Variants in ZNF486 observed in about 807,000 individuals in gnomAD.
The protein encoded by ZNF486 is zinc finger protein 486, also known as KRAB box only protein 2.
In ZNF486, 12 loss-of-function variants were observed where a neutral mutation model predicts 12.8. The ratio of observed to expected loss-of-function variants is 0.94; its 90% CI spans 0.60 to 1.52. ZNF486 has a LOEUF of 1.52. Ranked by LOEUF, ZNF486 falls within the 40% of genes most tolerant of loss-of-function variation. The probability of loss-of-function intolerance (pLI) is 0.00; values close to 1 mark genes in which losing one functional copy is unlikely to be tolerated. For synonymous variants in ZNF486, 231 were observed against 184.9 expected (o/e 1.25, Z -2.02); for missense variants, 738 against 545.0 (o/e 1.35, Z -3.53).
Position 20,185,950 on chromosome 19 carries a change from T to G in ZNF486, c.158-37T>G, listed in dbSNP as rs1021775335. On this transcript the variant is annotated intron_variant, in intron 2 of 3. Transcript: ENST00000335117. Reference sequence around the variant, plus strand: ...ATTACTAGCTTGTAATTGAGAAATATAAGCAAGATTAATGCTATTTATTTT... The same window carrying G: ...ATTACTAGCTTGTAATTGAGAAATAGAAGCAAGATTAATGCTATTTATTTT... 4.5e-6 allele frequency: 6 copies of G among 1,339,988 alleles called. No homozygotes were observed. The African/African-American group carries it at 7.5e-5, about 17-fold the overall frequency. The allele number at this position is 1,339,988 out of a possible 1,614,324, so 83.0% of individuals were successfully genotyped here.
At chr19:20,181,225 C>G (rs899711080) in intron 1 of ZNF486, among the ~76,000 whole-genome samples, 48 of 152,138 alleles carry the variant, frequency 3.2e-4, no homozygotes, top group African/African-American at 1.2e-3. Flanking sequence ...TCACAATTCC[C>G]TGAATCCCAA....
At chr19:20,188,056 A>C (rs1050914184) in intron 3 of ZNF486, among the ~76,000 whole-genome samples, 1 of 152,124 alleles carries the variant, frequency 6.6e-6, no homozygotes, top group Non-Finnish European at 1.5e-5. Flanking sequence ...ATGTTTTTGT[A>C]GTCAGGTCTG....
chr19:20,171,431 C>G (rs2089646877), intron 1 of ZNF486, among the ~76,000 whole-genome samples: 2 of 152,242 alleles, frequency 1.3e-5, no homozygotes, highest in African/African-American at 2.4e-5. Flanking sequence ...GCATCACCCT[C>G]AGAAACTTCA....
intron 1 of ZNF486, among the ~76,000 whole-genome samples, chr19:20,173,677 A>G (rs2089674041): frequency 6.6e-6 from 1 of 151,934 alleles, no homozygotes; most frequent in Non-Finnish European, 1.5e-5. Context: ...AAAATACAAA[A>G]AAAAATTAGT....
intron 1 of ZNF486, among the ~76,000 whole-genome samples, chr19:20,172,802 C>T (rs1376186791): frequency 6.6e-6 from 1 of 151,786 alleles, no homozygotes; most frequent in African/African-American, 2.4e-5. Context: ...ACCACCACAC[C>T]CTGCTAATTT....
rs781949145 is a variant in ZNF486, at chr19:20,185,970, T to A, written c.158-17T>A. 23 of 1,498,214 alleles carry A rather than the reference T, an allele frequency of 1.5e-5. No individual in the cohort carries two copies. The highest frequency in any genetic ancestry group is 4.3e-5 in the Admixed American group (2 of 46,544). The allele number at this position is 1,498,214 out of a possible 1,614,324, so 92.8% of individuals were successfully genotyped here. Reference sequence around the variant, plus strand: ...AAATATAAGCAAGATTAATGCTATTTATTTTTAATGAAACAGGTATTATTG... The same window carrying A: ...AAATATAAGCAAGATTAATGCTATTAATTTTTAATGAAACAGGTATTATTG... On this transcript the variant is annotated splice_polypyrimidine_tract_variant and intron_variant, in intron 2 of 3. Transcript: ENST00000335117.
chr19:20,180,486 G>C (rs1246510038), intron 1 of ZNF486, among the ~76,000 whole-genome samples: 1 of 152,188 alleles, frequency 6.6e-6, no homozygotes, highest in African/African-American at 2.4e-5. Context: ...GATGTGTCCA[G>C]AACCTTGGGT....
At chr19:20,191,711 A>T (rs2089905122) in intron 3 of ZNF486, among the ~76,000 whole-genome samples, 1 of 152,166 alleles carries the variant, frequency 6.6e-6, no homozygotes, top group Non-Finnish European at 1.5e-5. Context: ...CGGAGCTTGT[A>T]GTGAGCTGAG....
rs2089999592 is a variant in ZNF486, at chr19:20,200,149, ATTACT to A, written c.*2051_*2055del. On this transcript the variant is annotated 3_prime_UTR_variant, in exon 4 of 4. Coordinates refer to ENST00000335117, the MANE Select transcript of ZNF486 (RefSeq NM_052852.4). ...GGTAATGACATAATACAGCTTTCAA[ATTACT>A]TTATGCTGTTATTTTATTCTTATTG... 1.3e-5 allele frequency: 2 copies of A among 151,932 alleles called. No individual in the cohort carries two copies. Among genetic ancestry groups the A allele is most frequent in the Admixed American group, 1.3e-4 (2 of 15,260 alleles). 9.4% of individuals were successfully genotyped at this position (151,932 alleles called of 1,614,324 possible).
chr19:20,194,230 A>G (rs191153695), intron 3 of ZNF486, among the ~76,000 whole-genome samples: 90 of 152,346 alleles, frequency 5.9e-4, no homozygotes, highest in African/African-American at 2.0e-3. Context: ...TTTCAGTGGA[A>G]GAAACTCCTT....
At chr19:20,169,946 A>T (rs1422077608) in intron 1 of ZNF486, among the ~76,000 whole-genome samples, 14 of 139,780 alleles carry the variant, frequency 1.0e-4, no homozygotes, top group Admixed American at 5.4e-4. Context: ...GCTGGAGTGC[A>T]GTGGCGCGAT....
chr19:20,173,480 T>C (rs2089672236), intron 1 of ZNF486, among the ~76,000 whole-genome samples: 1 of 152,110 alleles, frequency 6.6e-6, no homozygotes, highest in Admixed American at 6.5e-5. Flanking sequence ...TAACGTTCTT[T>C]CAAGCGCATA....
At chr19:20,184,772 C>T (rs2089824443) in intron 2 of ZNF486, among the ~76,000 whole-genome samples, 1 of 152,028 alleles carries the variant, frequency 6.6e-6, no homozygotes, top group Non-Finnish European at 1.5e-5. Context: ...ATCTCATTGC[C>T]ACCATCAGTT....
At chr19:20,196,685 A>G (rs1270846428) in intron 3 of ZNF486, among the ~76,000 whole-genome samples, 1 of 150,878 alleles carries the variant, frequency 6.6e-6, no homozygotes, top group Non-Finnish European at 1.5e-5. Context: ...GAGCTGTTGC[A>G]TATAAGTAAC....
At chr19:20,170,610 T>G (rs73538098) in intron 1 of ZNF486, among the ~76,000 whole-genome samples, 5,240 of 151,896 alleles carry the variant, frequency 0.034, 334 homozygotes, top group African/African-American at 0.12. Flanking sequence ...TGAAGACATA[T>G]TCAGCTGATT....
At position 20,183,922 on chromosome 19, in the gene ZNF486, G is replaced by A. The variant is rs782331120; in HGVS notation, c.31-434G>A. Among the ~76,000 whole-genome samples, 8 of 149,358 alleles carry A rather than the reference G, an allele frequency of 5.4e-5. No individual in the cohort carries two copies. In the Admixed American group the frequency reaches 5.4e-4, roughly 10 times the overall value. ...AGCTTGTTAGAAATTCAAAAAATCAGACTTTATGCCAGATCTTTTGGAAAA... is the reference window on the plus strand; with the variant it reads ...AGCTTGTTAGAAATTCAAAAAATCAAACTTTATGCCAGATCTTTTGGAAAA... On this transcript the variant is annotated intron_variant, in intron 1 of 3. Coordinates refer to ENST00000335117, the MANE Select transcript of ZNF486 (RefSeq NM_052852.4).
intron 1 of ZNF486, among the ~76,000 whole-genome samples, chr19:20,175,661 TC>T (rs1273150358): frequency 6.6e-6 from 1 of 152,088 alleles, no homozygotes; most frequent in East Asian, 1.9e-4. Context: ...AGGTCAGAGA[TC>T]AACAGGATCC....
At chr19:20,196,752 A>G (rs567920292) in intron 3 of ZNF486, among the ~76,000 whole-genome samples, 6 of 152,148 alleles carry the variant, frequency 3.9e-5, no homozygotes, top group South Asian at 2.1e-4. Context: ...AGGGACTTTC[A>G]CACACTTAAA....
intron 3 of ZNF486, among the ~76,000 whole-genome samples, chr19:20,195,165 C>G (rs1568327166): frequency 2.0e-5 from 3 of 151,990 alleles, no homozygotes; most frequent in Non-Finnish European, 4.4e-5. Context: ...AGCCACTGCA[C>G]CCAACCTTTT....
Sources: allele counts gnomAD v4.1 joint callset (sites outside exome capture counted in the v4.1 genomes callset), GRCh38; gene constraint gnomAD v4.1.1; transcripts MANE v1.5; gene names NCBI Gene and HGNC (gene_info 2026-07-23, HGNC 2026-07-21).